LRCH2: variants seen among roughly 807,000 people sequenced by gnomAD.
LRCH2 encodes leucine-rich repeat and calponin homology domain-containing protein 2.
In LRCH2, 38 loss-of-function variants were observed where a neutral mutation model predicts 68.9. The observed-to-expected ratio is 0.55, with a 90% CI of 0.43 to 0.72. LRCH2 has a LOEUF of 0.72. Ranked by LOEUF, LRCH2 falls within the 30% of genes least tolerant of loss-of-function variation. The pLI, the probability that LRCH2 is intolerant of heterozygous loss-of-function variation, is 0.00. For missense variants in LRCH2, 528 were observed against 572.9 expected, an observed-to-expected ratio of 0.92 and a Z score of 0.80; for synonymous variants, 191 against 208.1, an observed-to-expected ratio of 0.92 and a Z score of 0.71.
chrX:115,180,140 G>A (rs1211794403), intron 3 of LRCH2, among the ~76,000 whole-genome samples: 4 of 111,453 alleles, frequency 3.6e-5, no homozygotes, highest in African/African-American at 9.8e-5. Context: ...TAGTTGTCTC[G>A]AGATACTTGG....
intron 5 of LRCH2, among the ~76,000 whole-genome samples, chrX:115,178,499 A>G (rs1317000669): frequency 1.8e-5 from 2 of 111,265 alleles, no homozygotes; most frequent in African/African-American, 6.5e-5. Context: ...ACAAACCATC[A>G]TGTTTTCAGT....
At position 115,150,047 on chromosome X, in the gene LRCH2, G is replaced by A; in HGVS notation, c.1553C>T (p.Ser518Leu). The A allele has an allele frequency of 8.5e-7, 1 of 1,170,440 alleles. No individual in the cohort carries two copies. The highest frequency in any genetic ancestry group is 2.0e-5 in the South Asian group (1 of 50,624). Residue 518 changes from serine (S) to leucine (L), a missense_variant, in exon 13 of 21, where the codon TCA becomes TTA. Physicochemically the swap from Ser to Leu is moderately radical, Grantham distance 145. Transcript: ENST00000317135. ...EKSVSADEVN[S>L]PLSPLTWQPL... ...CTGCCAGGTGAGGGGTGATAATGGT[G>A]AATTAACTTCATCTGCTGAGACACT...
intron 6 of LRCH2, among the ~76,000 whole-genome samples, 170 bp downstream of exon 6, chrX:115,170,129 G>T (rs190758363): frequency 9.0e-6 from 1 of 111,723 alleles, no homozygotes; most frequent in Admixed American, 9.5e-5. Flanking sequence ...AAATATTCTA[G>T]TATCCTAGAA....
Position 115,113,238 on chromosome X carries a change from G to C in LRCH2, c.2276C>G (p.Ala759Gly), listed in dbSNP as rs782339786. The C allele has an allele frequency of 8.4e-7, 1 of 1,196,471 alleles. No individual in the cohort carries two copies. The highest frequency in any genetic ancestry group is 1.1e-6 in the Non-Finnish European group (1 of 886,608). Residue 759 changes from alanine (A) to glycine (G), a missense_variant, in exon 21 of 21, where the codon GCA (alanine) becomes GGA (glycine). Transcript: ENST00000317135. ...ATATTAAGCCACAGAAAGCTGAGAT[G>C]CCTTGGTTGTTGGTAATTCAAGGAG... ...QALLELPTTK[A>G]SQLSVA
chrX:115,231,688 G>T (rs1403646179), intron 1 of LRCH2, among the ~76,000 whole-genome samples: 2 of 111,783 alleles, frequency 1.8e-5, no homozygotes, highest in African/African-American at 6.5e-5. Context: ...CCAACTGAAG[G>T]CTTAAAAGCC....
intron 1 of LRCH2, among the ~76,000 whole-genome samples, chrX:115,216,467 T>A (rs1261423568): frequency 9.0e-6 from 1 of 111,590 alleles, no homozygotes; most frequent in African/African-American, 3.3e-5. Flanking sequence ...AAGAAGCATA[T>A]GAAAAAATGA....
At chrX:115,164,709 G>GA (rs1414273039) in intron 10 of LRCH2, among the ~76,000 whole-genome samples, 1 of 110,967 alleles carries the variant, frequency 9.0e-6, no homozygotes, top group African/African-American at 3.3e-5. Context: ...TTCCTCACCT[G>GA]AAAAAATGAG....
chrX:115,150,458 G>A lies in LRCH2; in HGVS notation c.1530-388C>T, dbSNP rs781874750. Among the ~76,000 whole-genome samples, 8 of 110,969 alleles carry A rather than the reference G, an allele frequency of 7.2e-5. No individual in the cohort carries two copies. In the South Asian group the frequency reaches 1.1e-3, roughly 16 times the overall value. On this transcript the variant is annotated intron_variant, in intron 12 of 20. Coordinates refer to ENST00000317135, the MANE Select transcript of LRCH2 (RefSeq NM_020871.4). Reference sequence around the variant, plus strand: ...TGTCTAAATGCCAAAGAGCTCAAGCGAGTAGTTATTTTTGCCTACTGAATT... The same window carrying A: ...TGTCTAAATGCCAAAGAGCTCAAGCAAGTAGTTATTTTTGCCTACTGAATT...
Position 115,123,936 on chromosome X carries a change from T to C in LRCH2, c.1849+9A>G. ...ACTAATAAATTTTATTTACAGAATA[T>C]CTATTTACCTGATCTAGGCTTCAAG... On this transcript the variant is annotated intron_variant, in intron 17 of 20. Coordinates refer to ENST00000317135, the MANE Select transcript of LRCH2 (RefSeq NM_020871.4). The C allele has an allele frequency of 1.9e-6, 2 of 1,060,251 alleles. No homozygotes were observed. Among genetic ancestry groups the C allele is most frequent in the East Asian group, 3.5e-5 (1 of 28,776 alleles). 87.4% of individuals were successfully genotyped at this position (1,060,251 alleles called of 1,213,427 possible).
intron 14 of LRCH2, among the ~76,000 whole-genome samples, chrX:115,131,951 A>G (rs1358946339): frequency 9.0e-6 from 1 of 111,409 alleles, no homozygotes; most frequent in Non-Finnish European, 1.9e-5. Context: ...TTTGCTTGTA[A>G]ATTTGTCTGA....
At chrX:115,123,745 A>G (rs1347191855) in intron 17 of LRCH2, among the ~76,000 whole-genome samples, 200 bp downstream of exon 17, 3 of 111,343 alleles carry the variant, frequency 2.7e-5, no homozygotes, top group Non-Finnish European at 5.6e-5. Context: ...CAAAAAGCTG[A>G]GGTTTCAGGA....
chrX:115,212,186 T>A (rs1210992583), intron 1 of LRCH2, among the ~76,000 whole-genome samples: 1 of 111,293 alleles, frequency 9.0e-6, no homozygotes, highest in African/African-American at 3.3e-5. Flanking sequence ...CCTTTATTGC[T>A]CACAGCACAG....
At chrX:115,207,299 G>A (rs2072975545) in intron 1 of LRCH2, among the ~76,000 whole-genome samples, 2 of 111,544 alleles carry the variant, frequency 1.8e-5, no homozygotes, top group Admixed American at 1.9e-4. Flanking sequence ...AACACTTTGG[G>A]AGGCCCAGGT....
chrX:115,165,978 A>T, intron 7 of LRCH2, 26 bp from the exon 8 acceptor site: 1 of 1,021,029 alleles, frequency 9.8e-7, no homozygotes, highest in East Asian at 3.3e-5. Context: ...AAAAAGTACA[A>T]ATGAGGCATT....
At chrX:115,214,818 C>A (rs988093597) in intron 1 of LRCH2, among the ~76,000 whole-genome samples, 1 of 111,200 alleles carries the variant, frequency 9.0e-6, no homozygotes, top group South Asian at 3.8e-4. Context: ...CTGTGAGTCT[C>A]GCAACAATTA....
intron 14 of LRCH2, among the ~76,000 whole-genome samples, chrX:115,140,332 C>A: frequency 8.9e-6 from 1 of 111,771 alleles, no homozygotes; most frequent in African/African-American, 3.2e-5. Flanking sequence ...GATGAAAGAG[C>A]CCTTGGGCCC....
intron 1 of LRCH2, among the ~76,000 whole-genome samples, chrX:115,224,983 C>A (rs1234549358): frequency 9.0e-6 from 1 of 111,601 alleles, no homozygotes; most frequent in East Asian, 2.8e-4. Flanking sequence ...GTGGGGAAAC[C>A]TAGCAAGGCC....
intron 14 of LRCH2, among the ~76,000 whole-genome samples, chrX:115,146,906 TACACACACACACACACACACACACACAC>T (rs57837250): frequency 1.5e-5 from 1 of 67,578 alleles, no homozygotes; most frequent in East Asian, 5.4e-4. Flanking sequence ...CTTACATACA[TACACACACACACACACACACACACACAC>T]ACACACACAC....
intron 20 of LRCH2, 117 bp from the exon 21 acceptor site, chrX:115,113,452 T>A: frequency 1.8e-6 from 1 of 550,057 alleles, no homozygotes; most frequent in Non-Finnish European, 2.7e-6. Flanking sequence ...TACATAATTC[T>A]AAGTTTTCTC....
Sources: gnomAD v4.1 joint callset for allele counts (sites outside exome capture counted in the v4.1 genomes callset) on GRCh38, gnomAD v4.1.1 for gene constraint, MANE v1.5 for transcripts, NCBI Gene and HGNC (gene_info 2026-07-23, HGNC 2026-07-21) for gene names.